MILR1: variants seen among roughly 807,000 people sequenced by gnomAD.
The protein encoded by MILR1 is allergin-1.
MILR1 carries 31 observed loss-of-function variants against 18.5 expected under a neutral mutation model. The observed-to-expected ratio is 1.68, with a 90% CI of 1.26 to 2.26. MILR1 has a LOEUF of 2.26. Ranked by LOEUF, MILR1 falls within the 30% of genes most tolerant of loss-of-function variation. MILR1 has a pLI of 0.00. For missense variants in MILR1, 257 were observed against 157.4 expected (o/e 1.63, Z -3.38); for synonymous variants, 85 against 56.2 (o/e 1.51, Z -2.30).
the MILR1 span, among the ~76,000 whole-genome samples, chr17:64,493,306 C>T: frequency 0.054 from 8,189 of 152,074 alleles, 380 homozygotes; most frequent in Admixed American, 0.14. Flanking sequence ...GTAGTCCCAG[C>T]TACTTGGAAA....
chr17:64,466,589 C>T lies in MILR1; in HGVS notation c.911-5C>T. 1 of 1,610,762 alleles carries T rather than the reference C, an allele frequency of 6.2e-7. No homozygotes were observed. The highest frequency in any genetic ancestry group is 1.7e-5 in the Admixed American group (1 of 59,436). The stretch of plus-strand genomic sequence containing the variant: ...AATAATTCCTATTCCTTATCTTTTG[C>T]CCAGAGGCCAAACACTCCCAGGAGC... On this transcript the variant is annotated splice_region_variant and splice_polypyrimidine_tract_variant and intron_variant, in intron 7 of 9. Coordinates refer to ENST00000619286, the MANE Select transcript of MILR1 (RefSeq NM_001085423.2).
At chr17:64,489,796 C>CATTAGTAACT in the MILR1 span, among the ~76,000 whole-genome samples, 1 of 150,900 alleles carries the variant, frequency 6.6e-6, no homozygotes, top group African/African-American at 2.4e-5. Context: ...GCAAACCTCA[C>CATTAGTAACT]ATTAGTAACT....
At position 64,453,536 on chromosome 17, in the gene MILR1, C is replaced by CTTTT. The variant is rs35572128; in HGVS notation, c.367+688_367+691dup. Reference sequence around the variant, plus strand: ...ATTCCCATTGTGTGGGCAAAAATCGCTTTTTTTTTTTTTTTTTTTTTCTGA... The same window carrying CTTTT: ...ATTCCCATTGTGTGGGCAAAAATCGCTTTTTTTTTTTTTTTTTTTTTTTTTCTGA... On this transcript the variant is annotated intron_variant, in intron 3 of 9. Transcript: ENST00000619286. 7.0e-3 allele frequency among the ~76,000 whole-genome samples: 707 copies of CTTTT among 101,002 alleles called. 41 individuals are homozygous for CTTTT. The highest frequency in any genetic ancestry group is 0.023 in the African/African-American group (644 of 28,206). The allele number at this position is 101,002 out of a possible 152,430, so 66.3% of individuals were successfully genotyped here.
At chr17:64,482,478 C>G in the MILR1 span, among the ~76,000 whole-genome samples, 1 of 152,050 alleles carries the variant, frequency 6.6e-6, no homozygotes, top group Non-Finnish European at 1.5e-5. Flanking sequence ...CGTGCCACCA[C>G]GCCCAGCTAA....
chr17:64,469,082 G>C (rs1037379277), downstream of MILR1, among the ~76,000 whole-genome samples: 1 of 151,232 alleles, frequency 6.6e-6, no homozygotes. Context: ...GTGAGACCCT[G>C]TGTTAAGAAA....
chr17:64,453,280 G>A (rs2037215731), intron 3 of MILR1, among the ~76,000 whole-genome samples: 1 of 151,598 alleles, frequency 6.6e-6, no homozygotes. Context: ...TGTTGGTCAG[G>A]CTGGTCTCGA....
the MILR1 span, chr17:64,485,970 G>A: frequency 5.4e-6 from 6 of 1,114,208 alleles, no homozygotes; most frequent in Admixed American, 5.6e-5. Flanking sequence ...AGGCTGGAGT[G>A]CAGTGGCATG....
the MILR1 span, chr17:64,480,167 C>T: frequency 3.6e-6 from 1 of 275,558 alleles, no homozygotes. Context: ...AAAAGGGAAA[C>T]TGAGGAATAA....
At chr17:64,476,241 A>G in the MILR1 span, among the ~76,000 whole-genome samples, 3 of 152,220 alleles carry the variant, frequency 2.0e-5, no homozygotes, top group Non-Finnish European at 4.4e-5. Flanking sequence ...ATATAAACAT[A>G]CTACCATTAT....
downstream of MILR1, among the ~76,000 whole-genome samples, chr17:64,469,792 C>A (rs1256318307): frequency 6.6e-6 from 1 of 152,192 alleles, no homozygotes; most frequent in South Asian, 2.1e-4. Flanking sequence ...TGGAAGAGTG[C>A]GTCCGCAGAT....
chr17:64,496,371 G>A, the MILR1 span: 3 of 1,404,294 alleles, frequency 2.1e-6, no homozygotes, highest in African/African-American at 1.4e-5. Context: ...CTTTCCACCC[G>A]ACACCTGTTT....
At chr17:64,467,022 TTCTC>T (rs1216977458) in intron 8 of MILR1, among the ~76,000 whole-genome samples, 2 of 137,978 alleles carry the variant, frequency 1.4e-5, no homozygotes, top group East Asian at 2.2e-4. Context: ...TTTTCTTTCT[TTCTC>T]TTTCTTTCTT....
chr17:64,466,538 C>T (rs782074297), intron 7 of MILR1, 40 bp downstream of exon 7: 12 of 1,611,332 alleles, frequency 7.4e-6, no homozygotes, highest in Middle Eastern at 1.7e-4. Flanking sequence ...TGCCCTCATG[C>T]GCTTAGAAAT....
chr17:64,485,913 TTTTG>T, the MILR1 span: 136 of 1,604,510 alleles, frequency 8.5e-5, no homozygotes, highest in Admixed American at 7.2e-4. Context: ...ACAGAACTTT[TTTTG>T]TTTGTTTGTT....
At chr17:64,452,158 G>T (rs1264554879) in intron 2 of MILR1, among the ~76,000 whole-genome samples, 1 of 148,158 alleles carries the variant, frequency 6.7e-6, no homozygotes, top group Non-Finnish European at 1.5e-5. Flanking sequence ...GGCTGTTCTC[G>T]AACTCCTGAC....
intron 3 of MILR1, among the ~76,000 whole-genome samples, 191 bp from the exon 4 acceptor site, chr17:64,457,209 A>G (rs1263690454): frequency 3.3e-5 from 5 of 152,004 alleles, no homozygotes; most frequent in Admixed American, 3.3e-4. Flanking sequence ...GGCTAACAAC[A>G]CACTGCACGG....
chr17:64,472,809 G>A (rs1336781872), downstream of MILR1, among the ~76,000 whole-genome samples: 1 of 152,146 alleles, frequency 6.6e-6, no homozygotes, highest in African/African-American at 2.4e-5. Context: ...CCACTGTTAG[G>A]TGAAGCATGA....
At position 64,449,339 on chromosome 17, in the gene MILR1, G is replaced by A. The variant is rs2037113466; in HGVS notation, c.81G>A (p.Glu27=). The A allele has an allele frequency of 4.2e-6, 2 of 472,690 alleles. No individual in the cohort carries two copies. The highest frequency in any genetic ancestry group is 7.8e-6 in the Non-Finnish European group (2 of 257,716). The allele number at this position is 472,690 out of a possible 1,614,324, so 29.3% of individuals were successfully genotyped here. A position where few individuals can be genotyped will look rare whatever the true frequency, so the allele number is the denominator to read the frequency against. ...VTCRKAVLDC[E]AMKTNEFPSP... is the part of the protein sequence containing the mutation. ...GTAGAAAAGCTGTATTGGATTGTGAGGCAATGAAAACAAATGGTAAGTTTC... is the reference window on the plus strand; with the variant it reads ...GTAGAAAAGCTGTATTGGATTGTGAAGCAATGAAAACAAATGGTAAGTTTC... The change falls in exon 2 of 10, where the codon GAG becomes GAA. Residue 27 remains glutamate, a synonymous_variant. Transcript: ENST00000619286.
rs782145576 is a variant in MILR1, at chr17:64,465,448, G to A, written c.764-4G>A. 1.3e-5 allele frequency: 20 copies of A among 1,590,804 alleles called. No individual in the cohort carries two copies. In the African/African-American group the frequency reaches 1.6e-4, roughly 13 times the overall value. ...AATTTGATGATTCCTACCTATTTAC[G>A]TAGGAAAAGCTATGAGAAATAATGT... On this transcript the variant is annotated splice_polypyrimidine_tract_variant and splice_region_variant and intron_variant, in intron 5 of 9. Transcript: ENST00000619286.
Sources: allele counts gnomAD v4.1 joint callset (sites outside exome capture counted in the v4.1 genomes callset), GRCh38; gene constraint gnomAD v4.1.1; transcripts MANE v1.5; gene names NCBI Gene and HGNC (gene_info 2026-07-23, HGNC 2026-07-21).